LPAR3: variants seen among roughly 807,000 people sequenced by gnomAD.
The protein encoded by LPAR3 is lysophosphatidic acid receptor 3, also known as LPA receptor 3.
Under a neutral mutation model 17.8 loss-of-function variants are expected in LPAR3, and 7 were observed. The observed-to-expected ratio is 0.39, with a 90% CI of 0.22 to 0.74. The LOEUF is 0.74. LPAR3 is among the 30% of genes least tolerant of loss of function. The pLI, the probability that LPAR3 is intolerant of heterozygous loss-of-function variation, is 0.40. For missense variants in LPAR3, 391 were observed against 453.4 expected (o/e 0.86, Z 1.25); for synonymous variants, 179 against 179.9 (o/e 0.99, Z 0.04).
chr1:84,843,102 T>G (rs1269595753), intron 2 of LPAR3, among the ~76,000 whole-genome samples: 1 of 152,168 alleles, frequency 6.6e-6, no homozygotes, highest in Non-Finnish European at 1.5e-5. Context: ...CAATCAAGCC[T>G]GGGGTGGGGA....
intron 2 of LPAR3, among the ~76,000 whole-genome samples, chr1:84,814,764 T>C (rs1314662123): frequency 1.3e-5 from 2 of 152,254 alleles, no homozygotes; most frequent in African/African-American, 2.4e-5. Context: ...GTAAGCACTA[T>C]ATTCTTTTTG....
At chr1:84,868,094 C>T (rs1287856900) in intron 1 of LPAR3, among the ~76,000 whole-genome samples, 1 of 151,726 alleles carries the variant, frequency 6.6e-6, no homozygotes, top group African/African-American at 2.4e-5. Context: ...TCTTGTGAAA[C>T]TCCACTTAAG....
chr1:84,816,469 C>G (rs956254053), intron 2 of LPAR3, among the ~76,000 whole-genome samples: 1 of 152,148 alleles, frequency 6.6e-6, no homozygotes, highest in East Asian at 1.9e-4. Context: ...TCAAGGGAGG[C>G]TCTTCAACTG....
intron 2 of LPAR3, among the ~76,000 whole-genome samples, chr1:84,850,409 A>AG (rs1327710066): frequency 6.0e-5 from 9 of 150,910 alleles, no homozygotes; most frequent in Non-Finnish European, 1.2e-4. Flanking sequence ...AAAAAAAAAA[A>AG]AAAAAAAAGA....
chr1:84,853,209 C>A (rs140768750), intron 2 of LPAR3, among the ~76,000 whole-genome samples: 1 of 151,504 alleles, frequency 6.6e-6, no homozygotes, highest in South Asian at 2.1e-4. Context: ...CATTTTTGAA[C>A]GATCAAGCTC....
At chr1:84,832,084 G>A (rs1659295099) in intron 2 of LPAR3, among the ~76,000 whole-genome samples, 1 of 151,968 alleles carries the variant, frequency 6.6e-6, no homozygotes, top group Non-Finnish European at 1.5e-5. Flanking sequence ...ACCGAACTGA[G>A]TTTCTATCAT....
At chr1:84,887,375 T>TAA (rs200331450) in intron 1 of LPAR3, among the ~76,000 whole-genome samples, 1 of 138,320 alleles carries the variant, frequency 7.2e-6, no homozygotes, top group Non-Finnish European at 1.6e-5. Context: ...GACCTTGTCT[T>TAA]AAAAAAAAAA....
intron 1 of LPAR3, among the ~76,000 whole-genome samples, chr1:84,871,470 T>C (rs1258244712): frequency 1.3e-5 from 2 of 152,190 alleles, no homozygotes; most frequent in Non-Finnish European, 2.9e-5. Flanking sequence ...TGGCTTTCAA[T>C]AACAATCTCT....
chr1:84,851,573 T>G (rs966249950), intron 2 of LPAR3, among the ~76,000 whole-genome samples: 1 of 152,266 alleles, frequency 6.6e-6, no homozygotes, highest in Non-Finnish European at 1.5e-5. Context: ...AATAGTATAC[T>G]ACAGAAGCAC....
At chr1:84,856,668 CA>C (rs1332073674) in intron 2 of LPAR3, among the ~76,000 whole-genome samples, 1 of 152,070 alleles carries the variant, frequency 6.6e-6, no homozygotes, top group Non-Finnish European at 1.5e-5. Context: ...GCAAACTTTC[CA>C]ATCCTAGCAA....
At chr1:84,891,399 A>C (rs1411857835) in intron 1 of LPAR3, among the ~76,000 whole-genome samples, 1 of 152,230 alleles carries the variant, frequency 6.6e-6, no homozygotes, top group Non-Finnish European at 1.5e-5. Flanking sequence ...AAGGCACAAG[A>C]GACAACTCTG....
intron 2 of LPAR3, among the ~76,000 whole-genome samples, chr1:84,856,011 G>C (rs72942459): frequency 2.2e-4 from 34 of 152,234 alleles, no homozygotes; most frequent in African/African-American, 8.2e-4. Context: ...GGTCATCTCA[G>C]TCCCCACGTT....
chr1:84,865,590 A>T lies in LPAR3; in HGVS notation c.531T>A (p.Ser177=). The T allele has an allele frequency of 6.2e-7, 1 of 1,614,226 alleles. No individual in the cohort carries two copies. The highest frequency in any genetic ancestry group is 8.5e-7 in the Non-Finnish European group (1 of 1,180,042). ...WNCLCNISAC[S]SLAPIYSRSY... The stretch of plus-strand genomic sequence containing the variant: ...TCCTGCTGTAAATGGGGGCCAGGGA[A>T]GAGCAGGCAGAGATGTTGCAGAGGC... The change falls in exon 2 of 3, where the codon TCT becomes TCA. Residue 177 remains serine (S), a synonymous_variant. Coordinates refer to ENST00000370611, the MANE Select transcript of LPAR3 (RefSeq NM_012152.3).
chr1:84,813,849 G>C lies in LPAR3; in HGVS notation c.1059C>G (p.Ser353=). Residue 353 remains serine, a synonymous_variant, in exon 3 of 3, where the codon TCC becomes TCG. Transcript: ENST00000370611. ...TGGGCCGAGAGGCATCCAGAGTTTA[G>C]GAAGTGCTTTTATTGCAGACTGCAC... ...SQGAVCNKST[S] 1.2e-6 allele frequency: 2 copies of C among 1,612,050 alleles called. No individual in the cohort carries two copies. The highest frequency in any genetic ancestry group is 1.7e-6 in the Non-Finnish European group (2 of 1,178,436).
chr1:84,819,914 A>C (rs1659017874), intron 2 of LPAR3, among the ~76,000 whole-genome samples: 1 of 152,016 alleles, frequency 6.6e-6, no homozygotes, highest in African/African-American at 2.4e-5. Context: ...CTCCTGTAGC[A>C]CTTTCTACCT....
At chr1:84,829,855 A>C (rs1193726971) in intron 2 of LPAR3, among the ~76,000 whole-genome samples, 2 of 152,188 alleles carry the variant, frequency 1.3e-5, no homozygotes, top group Non-Finnish European at 2.9e-5. Context: ...TAAATAGAAC[A>C]TGTATAAGAG....
At chr1:84,852,971 A>G (rs941969103) in intron 2 of LPAR3, among the ~76,000 whole-genome samples, 8 of 152,274 alleles carry the variant, frequency 5.3e-5, no homozygotes, top group Admixed American at 2.0e-4. Context: ...GAGTAAAAAA[A>G]TCAGCGGGGC....
At chr1:84,866,260 C>T (rs1660047722) in intron 1 of LPAR3, 122 bp from the exon 2 acceptor site, 1 of 705,306 alleles carries the variant, frequency 1.4e-6, no homozygotes, top group African/African-American at 1.8e-5. Flanking sequence ...CCTGAAGTGT[C>T]AGGTCTCAGT....
intron 2 of LPAR3, among the ~76,000 whole-genome samples, chr1:84,841,299 GC>G (rs1252127532): frequency 2.6e-5 from 4 of 152,116 alleles, no homozygotes; most frequent in African/African-American, 9.7e-5. Context: ...ACAACCGACG[GC>G]CCCTTATGAC....
Sources: allele counts gnomAD v4.1 joint callset (sites outside exome capture counted in the v4.1 genomes callset), GRCh38; gene constraint gnomAD v4.1.1; transcripts MANE v1.5; gene names NCBI Gene and HGNC (gene_info 2026-07-23, HGNC 2026-07-21).